The following COMMD10 variants were observed in gnomAD, a reference collection of about 807,000 sequenced individuals.
COMMD10 encodes COMM domain-containing protein 10.
Under a neutral mutation model 28.9 loss-of-function variants are expected in COMMD10, and 33 were observed. The ratio of observed to expected loss-of-function variants is 1.14; its 90% CI spans 0.87 to 1.53. The LOEUF (loss-of-function observed/expected upper bound fraction) is 1.53, where lower values mean the gene tolerates loss of function less well. Among genes scored for constraint, COMMD10 ranks in the 40% most tolerant of loss-of-function variants. COMMD10 has a pLI of 0.00. For synonymous variants in COMMD10, 110 were observed against 81.7 expected (o/e 1.35, Z -1.87); for missense variants, 310 against 233.4 (o/e 1.33, Z -2.14).
At position 116,092,700 on chromosome 5, in the gene COMMD10, G is replaced by A. The variant is rs1405465096; in HGVS notation, c.399G>A (p.Lys133=). The A allele has an allele frequency of 1.3e-6, 2 of 1,574,830 alleles. No individual in the cohort carries two copies. Among genetic ancestry groups the A allele is most frequent in the South Asian group, 1.2e-5 (1 of 83,610 alleles). ...GGCAGAGAATTCTGGCTCCCTGTAA[G>A]GTATAGAACATACTGTCTTAAATAT... The part of the protein sequence containing the change: ...KFRQRILAPC[K]LETVGWQLNL... The change falls in exon 4 of 7, where the codon AAG becomes AAA. Residue 133 remains lysine, a splice_region_variant and synonymous_variant. Transcript: ENST00000274458.
In COMMD10 at chr5:116,198,031, A is replaced by G. The variant is rs376756662; in HGVS notation, c.510+63853A>G. Among the ~76,000 whole-genome samples the G allele has an allele frequency of 2.8e-3, 432 of 152,208 alleles. 25 individuals carry two copies. The South Asian group carries it at 0.084, about 30-fold the overall frequency. On this transcript the variant is annotated intron_variant, in intron 5 of 6. Transcript: ENST00000274458. The stretch of plus-strand genomic sequence containing the variant: ...CACTTACACATATGCAGTCTTGATT[A>G]TTTTGATAATTTTTCTACATTTATA...
chr5:116,184,753 T>C (rs1218493484), intron 5 of COMMD10, among the ~76,000 whole-genome samples: 1 of 152,138 alleles, frequency 6.6e-6, no homozygotes, highest in African/African-American at 2.4e-5. Flanking sequence ...TTTAATGGTA[T>C]GTATGAGAAA....
At chr5:116,277,940 AT>A (rs1484566133) in intron 5 of COMMD10, among the ~76,000 whole-genome samples, 2 of 151,918 alleles carry the variant, frequency 1.3e-5, no homozygotes, top group Non-Finnish European at 2.9e-5. Flanking sequence ...TAATGCAGTC[AT>A]TTTATAAAGA....
intron 5 of COMMD10, among the ~76,000 whole-genome samples, chr5:116,233,885 G>A (rs1045575967): frequency 6.6e-6 from 1 of 152,154 alleles, no homozygotes; most frequent in Non-Finnish European, 1.5e-5. Context: ...GAAGCTATTT[G>A]AGGAATTTGC....
At chr5:116,116,702 GATTTTTTTT>G (rs1157687881) in intron 4 of COMMD10, among the ~76,000 whole-genome samples, 4 of 133,096 alleles carry the variant, frequency 3.0e-5, no homozygotes, top group Non-Finnish European at 6.4e-5. Context: ...AAAATGCAGA[GATTTTTTTT>G]TTTTTTTTTT....
Position 116,286,414 on chromosome 5 carries a change from GT to G in COMMD10, c.511-5091del, listed in dbSNP as rs550622190. 3.1e-3 allele frequency among the ~76,000 whole-genome samples: 430 copies of G among 140,090 alleles called. 2 individuals carry two copies. Among genetic ancestry groups the G allele is most frequent in the Non-Finnish European group, 5.1e-3 (325 of 64,190 alleles). The allele number at this position is 140,090 out of a possible 152,430, so 91.9% of individuals were successfully genotyped here. A position where few individuals can be genotyped will look rare whatever the true frequency, so the allele number is the denominator to read the frequency against. ...TCTTCCTGCTTACTTTGACCTTAGG[GT>G]TTTTTTTTTTTCCTAGTTCCTTGGA... On this transcript the variant is annotated intron_variant, in intron 5 of 6. Transcript: ENST00000274458.
chr5:116,109,542 C>T (rs750118965), intron 4 of COMMD10, among the ~76,000 whole-genome samples: 3 of 152,132 alleles, frequency 2.0e-5, no homozygotes, highest in South Asian at 2.1e-4. Context: ...TGCAGTGAGC[C>T]GAGATAGTGC....
intron 5 of COMMD10, among the ~76,000 whole-genome samples, chr5:116,153,061 C>G (rs1324827387): frequency 6.6e-6 from 1 of 151,984 alleles, no homozygotes; most frequent in Non-Finnish European, 1.5e-5. Flanking sequence ...CATATTTGTG[C>G]ATCTTTTCGA....
chr5:116,202,544 C>G (rs1245073150), intron 5 of COMMD10, among the ~76,000 whole-genome samples: 1 of 151,368 alleles, frequency 6.6e-6, no homozygotes, highest in Non-Finnish European at 1.5e-5. Context: ...CTCTCCAGCA[C>G]CTGTTGTTTC....
chr5:116,107,996 G>A (rs764401920), intron 4 of COMMD10, among the ~76,000 whole-genome samples: 1 of 152,220 alleles, frequency 6.6e-6, no homozygotes, highest in Non-Finnish European at 1.5e-5. Flanking sequence ...GGTATCACCA[G>A]TGCAGGCTGC....
chr5:116,267,698 A>G (rs1309074234), intron 5 of COMMD10, among the ~76,000 whole-genome samples: 2 of 151,954 alleles, frequency 1.3e-5, no homozygotes, highest in South Asian at 2.1e-4. Context: ...ACTTCAGACT[A>G]TACTACAAGG....
chr5:116,256,594 T>C (rs1278114005), intron 5 of COMMD10, among the ~76,000 whole-genome samples: 1 of 151,788 alleles, frequency 6.6e-6, no homozygotes, highest in Non-Finnish European at 1.5e-5. Context: ...GAGTATTCCT[T>C]ATCCAAAATG....
chr5:116,091,118 C>T lies in COMMD10; in HGVS notation c.172C>T (p.Gln58Ter). ...SFSEEEEEKLQAAFSLEKQDL... is the reference protein window; with the variant it reads ...SFSEEEEEKL ...CAGTGAAGAAGAGGAAGAAAAACTT[C>T]AAGCGGCATTTTCTCTAGAGAAACA... is the stretch of plus-strand genomic sequence containing the variant. Residue 58 changes from glutamine to a stop codon, truncating the protein, a stop_gained, in exon 3 of 7, where the codon CAA becomes TAA. Coordinates refer to ENST00000274458, the MANE Select transcript of COMMD10 (RefSeq NM_016144.4). LOFTEE classifies it high-confidence loss of function. 1.9e-6 allele frequency: 3 copies of T among 1,612,276 alleles called. No homozygotes were observed. Among genetic ancestry groups the T allele is most frequent in the Non-Finnish European group, 2.5e-6 (3 of 1,179,012 alleles).
chr5:116,237,635 C>A (rs957087583), intron 5 of COMMD10, among the ~76,000 whole-genome samples: 9 of 152,026 alleles, frequency 5.9e-5, no homozygotes, highest in African/African-American at 1.7e-4. Flanking sequence ...CGTATTGAGA[C>A]CCTGCTTCTA....
At chr5:116,216,396 T>G (rs1749100460) in intron 5 of COMMD10, among the ~76,000 whole-genome samples, 1 of 152,200 alleles carries the variant, frequency 6.6e-6, no homozygotes, top group South Asian at 2.1e-4. Context: ...ATAAAACAAA[T>G]CTGATGTTGT....
chr5:116,262,925 G>A (rs1750486989), intron 5 of COMMD10, among the ~76,000 whole-genome samples: 1 of 151,644 alleles, frequency 6.6e-6, no homozygotes, highest in Admixed American at 6.6e-5. Flanking sequence ...ACAGTGCTTT[G>A]GAAATTATGT....
At chr5:116,173,893 G>T in intron 5 of COMMD10, among the ~76,000 whole-genome samples, 1 of 145,640 alleles carries the variant, frequency 6.9e-6, no homozygotes, top group Admixed American at 6.9e-5. Context: ...ATAGTAATAT[G>T]AATTCATTCC....
In COMMD10 at chr5:116,134,157, A is replaced by T; in HGVS notation, c.489A>T (p.Gly163=). The T allele has an allele frequency of 1.2e-6, 2 of 1,603,554 alleles. No individual in the cohort carries two copies. Among genetic ancestry groups the T allele is most frequent in the South Asian group, 1.1e-5 (1 of 90,868 alleles). The part of the protein sequence containing the change: ...LKSPQAVLQL[G]VNNEDSKSLE... ...CTCCTCAAGCTGTGTTACAACTCGG[A>T]GTGAACAATGAAGATTCAAAGGTAA... The change falls in exon 5 of 7, where the codon GGA becomes GGT. Residue 163 remains glycine, a synonymous_variant. Transcript: ENST00000274458.
chr5:116,112,671 G>A (rs755090732), intron 4 of COMMD10, among the ~76,000 whole-genome samples: 4 of 152,150 alleles, frequency 2.6e-5, no homozygotes, highest in Non-Finnish European at 4.4e-5. Context: ...TGGGATTACA[G>A]GCATGAGCCA....
Sources: gnomAD v4.1 joint callset for allele counts (sites outside exome capture counted in the v4.1 genomes callset) on GRCh38, gnomAD v4.1.1 for gene constraint, MANE v1.5 for transcripts, NCBI Gene and HGNC (gene_info 2026-07-23, HGNC 2026-07-21) for gene names.